Variants in GADL1 observed in about 807,000 individuals in gnomAD.
GADL1 encodes the protein GAD like acidic amino acid decarboxylase 1.
A neutral mutation model predicts 69.5 loss-of-function variants in GADL1; 71 were observed. The observed-to-expected ratio is 1.02, with a 90% CI of 0.84 to 1.25. GADL1 has a LOEUF of 1.25. Among genes scored for constraint, GADL1 ranks in the 50% most tolerant of loss-of-function variants. The pLI, the probability that GADL1 is intolerant of heterozygous loss-of-function variation, is 0.00. For synonymous variants in GADL1, 254 were observed against 214.4 expected, an observed-to-expected ratio of 1.18 and a Z score of -1.62; for missense variants, 737 against 631.8, an observed-to-expected ratio of 1.17 and a Z score of -1.79.
At chr3:30,817,072 T>C (rs1182955868) in intron 11 of GADL1, among the ~76,000 whole-genome samples, 1 of 152,160 alleles carries the variant, frequency 6.6e-6, no homozygotes, top group Non-Finnish European at 1.5e-5. Flanking sequence ...CTTTCTCCCC[T>C]GCCTTACAAA....
chr3:30,866,025 C>T (rs1698398088), intron 1 of GADL1, among the ~76,000 whole-genome samples: 1 of 152,008 alleles, frequency 6.6e-6, no homozygotes. Context: ...AATATTGTTT[C>T]AGATTTTGAG....
chr3:30,894,491 C>T (rs1698830430), intron 1 of GADL1, 87 bp downstream of exon 1: 27 of 1,125,320 alleles, frequency 2.4e-5, no homozygotes, highest in Non-Finnish European at 3.2e-5. Flanking sequence ...AATAACCAAA[C>T]TTCTAGTCCC....
chr3:30,784,858 C>T (rs1696753998), intron 13 of GADL1, among the ~76,000 whole-genome samples: 1 of 152,182 alleles, frequency 6.6e-6, no homozygotes, highest in African/African-American at 2.4e-5. Context: ...CTGGTCTCTG[C>T]CCACCTCTGC....
chr3:30,854,718 C>T lies in GADL1; in HGVS notation c.409G>A (p.Glu137Lys), dbSNP rs947175392. The T allele has an allele frequency of 2.5e-5, 38 of 1,547,440 alleles. No homozygotes were observed. The highest frequency in any genetic ancestry group is 8.2e-5 in the African/African-American group (6 of 72,842). Residue 137 changes from glutamate (E) to lysine (K), a missense_variant, in exon 4 of 15, where the codon GAA (glutamate) becomes AAA (lysine). Coordinates refer to ENST00000282538, the MANE Select transcript of GADL1 (RefSeq NM_207359.3). ...ACTTACACACTTGGATTCAATGCTT[C>T]GGTCATAAATCGGGCCACCAAGGAG... is the stretch of plus-strand genomic sequence containing the variant. Reference protein sequence around the residue: ...YYSLVARFMTEALNPSVYTYE... With the variant: ...YYSLVARFMTKALNPSVYTYE...
chr3:30,752,288 G>A (rs1695841477), intron 14 of GADL1, among the ~76,000 whole-genome samples: 1 of 151,974 alleles, frequency 6.6e-6, no homozygotes, highest in Non-Finnish European at 1.5e-5. Context: ...ACGAAACACA[G>A]CTTAACTTTC....
At position 30,857,043 on chromosome 3, in the gene GADL1, C is replaced by G; in HGVS notation, c.309G>C (p.Arg103=). 1.3e-6 allele frequency: 2 copies of G among 1,549,274 alleles called. No homozygotes were observed. The highest frequency in any genetic ancestry group is 1.7e-6 in the Non-Finnish European group (2 of 1,145,210). ...EPPHKLLELC[R]DVIHYSVKTN... ...TTTTGACACTGTAGTGTATGACATC[C>G]CGACAGAGTTCCAATAGTTTATGGG... The change falls in exon 3 of 15, where the codon CGG becomes CGC. Residue 103 remains arginine (R), a synonymous_variant. Transcript: ENST00000282538.
chr3:30,797,464 G>C (rs542234590), intron 12 of GADL1, among the ~76,000 whole-genome samples: 1 of 152,282 alleles, frequency 6.6e-6, no homozygotes, highest in African/African-American at 2.4e-5. Context: ...ATTGATCTAA[G>C]TGTTCTACAT....
chr3:30,757,551 A>G (rs760808309), intron 14 of GADL1, among the ~76,000 whole-genome samples: 5 of 152,202 alleles, frequency 3.3e-5, no homozygotes, highest in African/African-American at 4.8e-5. Flanking sequence ...ATTAGTAAAT[A>G]TTGAGGATGA....
chr3:30,799,760 C>T (rs1172948738), intron 12 of GADL1: 1 of 152,222 alleles, frequency 6.6e-6, no homozygotes, highest in Non-Finnish European at 1.5e-5. Context: ...CTCTTGAATG[C>T]TTTGCTGCTT....
intron 14 of GADL1, among the ~76,000 whole-genome samples, chr3:30,760,035 T>G (rs1696090589): frequency 1.3e-5 from 2 of 152,218 alleles, no homozygotes; most frequent in African/African-American, 4.8e-5. Context: ...TGCAGATTCA[T>G]GAGTGATAAA....
intron 14 of GADL1, among the ~76,000 whole-genome samples, chr3:30,760,578 A>G (rs546774927): frequency 1.1e-4 from 16 of 152,256 alleles, no homozygotes; most frequent in Middle Eastern, 3.4e-3. Flanking sequence ...CCATCTATAC[A>G]CAAAATCTGT....
intron 14 of GADL1, among the ~76,000 whole-genome samples, chr3:30,746,866 G>A (rs1352164506): frequency 2.0e-5 from 3 of 152,078 alleles, no homozygotes; most frequent in Non-Finnish European, 4.4e-5. Context: ...TTGTATTTTG[G>A]TGTTCCTGAT....
intron 14 of GADL1, among the ~76,000 whole-genome samples, chr3:30,764,373 T>C (rs929165001): frequency 6.6e-6 from 1 of 152,034 alleles, no homozygotes; most frequent in African/African-American, 2.4e-5. Flanking sequence ...ACTTAAAACA[T>C]AATTCTCTTG....
chr3:30,881,854 C>T (rs571800695), intron 1 of GADL1, among the ~76,000 whole-genome samples: 100 of 151,982 alleles, frequency 6.6e-4, no homozygotes, highest in Non-Finnish European at 1.1e-3. Context: ...GCTCCAGCCT[C>T]ATGGGTGGGG....
intron 14 of GADL1, among the ~76,000 whole-genome samples, chr3:30,744,423 G>C (rs974422692): frequency 3.3e-5 from 5 of 152,108 alleles, no homozygotes; most frequent in African/African-American, 1.2e-4. Flanking sequence ...TTTTTGTGAA[G>C]AGCCAGATAG....
chr3:30,845,306 A>T (rs1698035609), intron 6 of GADL1, among the ~76,000 whole-genome samples: 1 of 152,202 alleles, frequency 6.6e-6, no homozygotes, highest in Non-Finnish European at 1.5e-5. Flanking sequence ...AATAATTAGC[A>T]TGCAAACATT....
chr3:30,892,815 T>C (rs529366725), intron 1 of GADL1, among the ~76,000 whole-genome samples: 102 of 152,324 alleles, frequency 6.7e-4, no homozygotes, highest in African/African-American at 2.3e-3. Flanking sequence ...TCCTAAATAA[T>C]CTATACTTTT....
intron 14 of GADL1, among the ~76,000 whole-genome samples, chr3:30,730,855 A>AAGTGTGTGTGTGTGTGTGTG (rs528274850): frequency 4.6e-5 from 7 of 151,278 alleles, no homozygotes; most frequent in African/African-American, 1.7e-4. Flanking sequence ...GTGCATAAGC[A>AAGTGTGTGTGTGTGTGTGTG]TGTGTGTGTG....
chr3:30,738,005 C>A (rs1388354407), intron 14 of GADL1, among the ~76,000 whole-genome samples: 1 of 152,152 alleles, frequency 6.6e-6, no homozygotes, highest in East Asian at 1.9e-4. Context: ...CTGAAATGAA[C>A]AGTCATAAAA....
Sources: gnomAD v4.1 joint callset for allele counts (sites outside exome capture counted in the v4.1 genomes callset) on GRCh38, gnomAD v4.1.1 for gene constraint, MANE v1.5 for transcripts, NCBI Gene and HGNC (gene_info 2026-07-23, HGNC 2026-07-21) for gene names.